EPB41L1: variants seen among roughly 807,000 people sequenced by gnomAD.
EPB41L1 encodes the protein erythrocyte membrane protein band 4.1 like 1.
A neutral mutation model predicts 97.8 loss-of-function variants in EPB41L1; 29 were observed. The observed-to-expected ratio is 0.30, with a 90% CI of 0.22 to 0.40. The LOEUF is 0.40. EPB41L1 is among the 10% of genes least tolerant of loss of function. EPB41L1 has a pLI of 1.00. For missense variants in EPB41L1, 812 were observed against 1,162.3 expected (o/e 0.70, Z 4.38); for synonymous variants, 383 against 459.2 (o/e 0.83, Z 2.12).
chr20:36,218,590 G>A (rs886522685), intron 17 of EPB41L1, among the ~76,000 whole-genome samples: 1 of 152,214 alleles, frequency 6.6e-6, no homozygotes, highest in African/African-American at 2.4e-5. Context: ...TCCTCTGCTA[G>A]TGCTTCCGGA....
intron 21 of EPB41L1, 58 bp from the exon 22 acceptor site, chr20:36,229,274 T>C: frequency 2.8e-6 from 4 of 1,440,002 alleles, no homozygotes; most frequent in Non-Finnish European, 3.9e-6. Flanking sequence ...TCTTGTCCTC[T>C]TCCTTCCTTT....
At chr20:36,184,741 C>CTT (rs1169985236) in intron 6 of EPB41L1, among the ~76,000 whole-genome samples, 1 of 152,194 alleles carries the variant, frequency 6.6e-6, no homozygotes, top group East Asian at 1.9e-4. Context: ...TTTAGAGTCA[C>CTT]CTCTAAAGTG....
intron 2 of EPB41L1, among the ~76,000 whole-genome samples, chr20:36,144,900 A>C (rs749441493): frequency 3.3e-5 from 5 of 152,218 alleles, no homozygotes; most frequent in Non-Finnish European, 7.3e-5. Context: ...CTGAGGCACA[A>C]ATAGATTAAG....
chr20:36,182,371 A>G, intron 6 of EPB41L1, 24 bp downstream of exon 6: 3 of 1,612,818 alleles, frequency 1.9e-6, no homozygotes, highest in Non-Finnish European at 1.7e-6. Flanking sequence ...AGGGAGAGAC[A>G]GGTGTGCTGG....
intron 2 of EPB41L1, among the ~76,000 whole-genome samples, chr20:36,132,345 G>A (rs1315576086): frequency 2.6e-5 from 4 of 151,836 alleles, no homozygotes; most frequent in Admixed American, 2.6e-4. Context: ...TAGTAGCTGG[G>A]TCCCTCCCAC....
chr20:36,170,099 T>C (rs1040019387), intron 1 of EPB41L1, among the ~76,000 whole-genome samples: 3 of 152,244 alleles, frequency 2.0e-5, no homozygotes, highest in Non-Finnish European at 4.4e-5. Flanking sequence ...GAGAGAACCA[T>C]GCTGTTATCC....
At chr20:36,131,582 T>C (rs1398569881) in intron 2 of EPB41L1, among the ~76,000 whole-genome samples, 2 of 152,128 alleles carry the variant, frequency 1.3e-5, no homozygotes, top group Non-Finnish European at 2.9e-5. Flanking sequence ...TGTGTCCACT[T>C]CCTCAGCTGT....
intron 1 of EPB41L1, among the ~76,000 whole-genome samples, chr20:36,173,053 A>C (rs540327140): frequency 2.2e-4 from 34 of 152,194 alleles, no homozygotes; most frequent in Non-Finnish European, 4.1e-4. Context: ...AATGACAAGA[A>C]TAGTTTATCC....
intron 11 of EPB41L1, among the ~76,000 whole-genome samples, chr20:36,193,513 G>A (rs1164567967): frequency 6.6e-6 from 1 of 152,064 alleles, no homozygotes; most frequent in East Asian, 1.9e-4. Context: ...CACAATCCAC[G>A]GGCATAGTCG....
intron 1 of EPB41L1, among the ~76,000 whole-genome samples, chr20:36,106,677 T>A (rs2058201071): frequency 6.6e-6 from 1 of 152,280 alleles, no homozygotes; most frequent in South Asian, 2.1e-4. Flanking sequence ...AAGTCAACTT[T>A]ACCTTCGAGG....
intron 21 of EPB41L1, among the ~76,000 whole-genome samples, chr20:36,227,026 G>A (rs963758301): frequency 5.9e-5 from 9 of 152,112 alleles, no homozygotes; most frequent in African/African-American, 2.2e-4. Context: ...ACTCAATTTT[G>A]ACCAGGGGCC....
chr20:36,229,284 T>TC (rs1318994389), intron 21 of EPB41L1, 48 bp from the exon 22 acceptor site: 2 of 1,440,980 alleles, frequency 1.4e-6, no homozygotes, highest in Non-Finnish European at 1.9e-6. Flanking sequence ...TTCCTTCCTT[T>TC]CCCCCCACTC....
In EPB41L1 at chr20:36,116,399, T is replaced by C. The variant is rs553389733; in HGVS notation, c.-10+3919T>C. On this transcript the variant is annotated intron_variant, in intron 2 of 19. Transcript: ENST00000202028. ...CAGAAGGTGCCTTCTTCTTCCAGAC[T>C]GTTCTCTTCTGAGACGTGAAGAGGT... is the stretch of plus-strand genomic sequence containing the variant. 2.6e-5 allele frequency among the ~76,000 whole-genome samples: 4 copies of C among 152,298 alleles called. No individual in the cohort carries two copies. The East Asian group carries it at 7.7e-4, about 29-fold the overall frequency.
intron 16 of EPB41L1, among the ~76,000 whole-genome samples, chr20:36,213,295 G>T (rs992719237): frequency 2.6e-5 from 4 of 152,144 alleles, no homozygotes; most frequent in African/African-American, 9.7e-5. Context: ...CTGCTCGGGA[G>T]GCTGATGTAG....
At chr20:36,162,667 G>A (rs796135882) in intron 1 of EPB41L1, among the ~76,000 whole-genome samples, 8 of 152,334 alleles carry the variant, frequency 5.3e-5, no homozygotes, top group African/African-American at 1.9e-4. Flanking sequence ...GCATGTCTCC[G>A]TTTTAATGCT....
chr20:36,118,615 A>G (rs1387980301), intron 2 of EPB41L1, among the ~76,000 whole-genome samples: 4 of 152,198 alleles, frequency 2.6e-5, no homozygotes, highest in Non-Finnish European at 5.9e-5. Context: ...AGTGAATTGT[A>G]TGCTGTAAAG....
intron 1 of EPB41L1, among the ~76,000 whole-genome samples, chr20:36,111,644 G>A (rs887670064): frequency 1.2e-4 from 18 of 152,012 alleles, no homozygotes; most frequent in African/African-American, 3.4e-4. Flanking sequence ...AAAATTAGCC[G>A]GGCGTTGTGG....
At chr20:36,115,340 C>T (rs2058551311) in intron 2 of EPB41L1, among the ~76,000 whole-genome samples, 2 of 152,162 alleles carry the variant, frequency 1.3e-5, no homozygotes, top group African/African-American at 4.8e-5. Flanking sequence ...CTTGTATGCA[C>T]GGAGCTCACG....
chr20:36,181,898 T>C (rs543084329), intron 5 of EPB41L1, among the ~76,000 whole-genome samples: 34 of 152,332 alleles, frequency 2.2e-4, no homozygotes, highest in Middle Eastern at 6.8e-3. Flanking sequence ...CAGGGTGACC[T>C]TGGGCTAATT....
Sources: allele counts gnomAD v4.1 joint callset (sites outside exome capture counted in the v4.1 genomes callset), GRCh38; gene constraint gnomAD v4.1.1; transcripts MANE v1.5; gene names NCBI Gene and HGNC (gene_info 2026-07-23, HGNC 2026-07-21).